The following RASSF8 variants were observed in gnomAD, a reference collection of about 807,000 sequenced individuals.
RASSF8 encodes Ras association domain family member 8.
Under a neutral mutation model 48.5 loss-of-function variants are expected in RASSF8, and 22 were observed. The observed-to-expected ratio is 0.45, with a 90% CI of 0.32 to 0.65. The LOEUF (loss-of-function observed/expected upper bound fraction) is 0.65. Ranked by LOEUF, RASSF8 falls within the 30% of genes least tolerant of loss-of-function variation. RASSF8 has a pLI of 0.03. For missense variants in RASSF8, 418 were observed against 489.2 expected, an observed-to-expected ratio of 0.85 and a Z score of 1.37; for synonymous variants, 127 against 171.5, an observed-to-expected ratio of 0.74 and a Z score of 2.03.
chr12:26,036,361 A>T (rs990797101), intron 2 of RASSF8, among the ~76,000 whole-genome samples: 2 of 152,166 alleles, frequency 1.3e-5, no homozygotes, highest in African/African-American at 4.8e-5. Context: ...CTTGAACTGA[A>T]AAATTCTTAC....
At chr12:26,006,210 C>A (rs1025090989) in intron 2 of RASSF8, among the ~76,000 whole-genome samples, 1 of 152,202 alleles carries the variant, frequency 6.6e-6, no homozygotes, top group African/African-American at 2.4e-5. Flanking sequence ...CCCTTCCCTT[C>A]AGGATGTCCC....
At chr12:26,055,668 A>G (rs1232524580) in intron 3 of RASSF8, among the ~76,000 whole-genome samples, 3 of 152,136 alleles carry the variant, frequency 2.0e-5, no homozygotes, top group Admixed American at 1.3e-4. Context: ...GTTAACATCT[A>G]CACTGCCTTC....
intron 1 of RASSF8, among the ~76,000 whole-genome samples, chr12:25,968,930 A>G (rs1941420473): frequency 6.6e-6 from 1 of 152,230 alleles, no homozygotes. Flanking sequence ...AGCACATTTG[A>G]GTAGAGACCT....
At chr12:25,998,776 G>A (rs543996403) in intron 2 of RASSF8, among the ~76,000 whole-genome samples, 1 of 152,054 alleles carries the variant, frequency 6.6e-6, no homozygotes, top group East Asian at 1.9e-4. Flanking sequence ...GAGTGAGTAT[G>A]TGTGGGCGTG....
chr12:25,996,180 A>G (rs1324997947), intron 2 of RASSF8, among the ~76,000 whole-genome samples: 1 of 152,194 alleles, frequency 6.6e-6, no homozygotes, highest in Admixed American at 6.5e-5. Flanking sequence ...TGATTCTAAT[A>G]AGGCAATTTT....
At chr12:26,065,410 A>G in intron 4 of RASSF8, 23 bp downstream of exon 4, 1 of 1,568,008 alleles carries the variant, frequency 6.4e-7, no homozygotes, top group Middle Eastern at 1.7e-4. Flanking sequence ...TGATAAATAG[A>G]ATGTTTGGCC....
rs151302287 is a variant in RASSF8, at chr12:26,030,237, C to T, written c.-108-24999C>T. On this transcript the variant is annotated intron_variant, in intron 2 of 5. Transcript: ENST00000689635. Reference sequence around the variant, plus strand: ...AGTAGGTTTTTTTCCCCCCATGATCCAAATAATGTTTTATTCAGGAGAAAA... The same window carrying T: ...AGTAGGTTTTTTTCCCCCCATGATCTAAATAATGTTTTATTCAGGAGAAAA... Among the ~76,000 whole-genome samples the T allele has an allele frequency of 1.0e-3, 155 of 152,030 alleles. 1 individual carries two copies. In the East Asian group the frequency reaches 0.024, roughly 23 times the overall value.
chr12:26,073,126 A>T (rs1056424802), downstream of RASSF8, among the ~76,000 whole-genome samples: 41 of 152,336 alleles, frequency 2.7e-4, no homozygotes, highest in Non-Finnish European at 5.0e-4. Context: ...AGATTTCCCT[A>T]AAACCATAAG....
At position 26,071,451 on chromosome 12, in the gene RASSF8, C is replaced by A. The variant is rs1354874460; in HGVS notation, c.*2633C>A. On this transcript the variant is annotated 3_prime_UTR_variant, in exon 6 of 6. Coordinates refer to ENST00000689635, the MANE Select transcript of RASSF8 (RefSeq NM_001394098.1). Reference sequence around the variant, plus strand: ...CAACTTGTTTTATTGTGATTTTCTACAAGTATTAAATACATTTAAAGATCT... The same window carrying A: ...CAACTTGTTTTATTGTGATTTTCTAAAAGTATTAAATACATTTAAAGATCT... 2 of 944,714 alleles carry A rather than the reference C, an allele frequency of 2.1e-6. No homozygotes were observed. The highest frequency in any genetic ancestry group is 1.1e-3 in the Middle Eastern group (2 of 1,844). 58.5% of individuals were successfully genotyped at this position (944,714 alleles called of 1,614,324 possible).
At chr12:26,058,450 A>G (rs1344071974) in intron 3 of RASSF8, among the ~76,000 whole-genome samples, 1 of 152,244 alleles carries the variant, frequency 6.6e-6, no homozygotes, top group African/African-American at 2.4e-5. Flanking sequence ...TCAAGAATGT[A>G]TAGTGAAGCA....
chr12:26,069,300 T>C lies in RASSF8; in HGVS notation c.*482T>C. ...CATGTTGCCAGACTCCATCCATGCATTGCTGATTTACACTACACAAGTGTC... is the reference window on the plus strand; with the variant it reads ...CATGTTGCCAGACTCCATCCATGCACTGCTGATTTACACTACACAAGTGTC... On this transcript the variant is annotated 3_prime_UTR_variant, in exon 6 of 6. Coordinates refer to ENST00000689635, the MANE Select transcript of RASSF8 (RefSeq NM_001394098.1). The C allele has an allele frequency of 1.0e-6, 1 of 985,126 alleles. No homozygotes were observed. Among genetic ancestry groups the C allele is most frequent in the Non-Finnish European group, 1.2e-6 (1 of 829,180 alleles). 61.0% of individuals were successfully genotyped at this position (985,126 alleles called of 1,614,324 possible).
intron 1 of RASSF8, among the ~76,000 whole-genome samples, chr12:25,965,202 A>G (rs1195344906): frequency 6.6e-6 from 1 of 152,102 alleles, no homozygotes; most frequent in African/African-American, 2.4e-5. Context: ...CGGCCTCCCA[A>G]AGTGCTGGGA....
chr12:26,040,581 A>T (rs1943243191), intron 2 of RASSF8, among the ~76,000 whole-genome samples: 1 of 152,302 alleles, frequency 6.6e-6, no homozygotes, highest in Non-Finnish European at 1.5e-5. Context: ...TCAGTTGAAT[A>T]GTTACAGATA....
intron 2 of RASSF8, among the ~76,000 whole-genome samples, chr12:25,996,741 G>A (rs540770061): frequency 2.5e-4 from 38 of 152,110 alleles, no homozygotes; most frequent in African/African-American, 9.2e-4. Context: ...ATTTAAAAAG[G>A]TTTTAAATAA....
chr12:26,012,052 G>A (rs571221423), intron 2 of RASSF8, among the ~76,000 whole-genome samples: 2 of 152,254 alleles, frequency 1.3e-5, no homozygotes, highest in South Asian at 2.1e-4. Flanking sequence ...GGTACAATGT[G>A]TATTGTTTTT....
At chr12:25,979,028 T>C (rs1055351045) in intron 1 of RASSF8, among the ~76,000 whole-genome samples, 3 of 152,194 alleles carry the variant, frequency 2.0e-5, no homozygotes, top group African/African-American at 4.8e-5. Flanking sequence ...TACGGTAGTA[T>C]GTTCACTTCT....
At chr12:26,054,061 C>T (rs1943549928) in intron 2 of RASSF8, among the ~76,000 whole-genome samples, 1 of 152,158 alleles carries the variant, frequency 6.6e-6, no homozygotes, top group Admixed American at 6.6e-5. Flanking sequence ...GCCATTAATT[C>T]TGAAATACCA....
At chr12:26,068,199 C>T (rs751264721) in intron 5 of RASSF8, among the ~76,000 whole-genome samples, 19 of 151,918 alleles carry the variant, frequency 1.3e-4, no homozygotes, top group Non-Finnish European at 2.5e-4. Flanking sequence ...TAGAGGAAAA[C>T]CAGTAACATT....
intron 1 of RASSF8, among the ~76,000 whole-genome samples, chr12:25,966,364 C>G (rs955398380): frequency 6.6e-6 from 1 of 152,102 alleles, no homozygotes; most frequent in South Asian, 2.1e-4. Flanking sequence ...CCACCATGCC[C>G]GGCTGTTTTT....
Sources: gnomAD v4.1 joint callset for allele counts (sites outside exome capture counted in the v4.1 genomes callset) on GRCh38, gnomAD v4.1.1 for gene constraint, MANE v1.5 for transcripts, NCBI Gene and HGNC (gene_info 2026-07-23, HGNC 2026-07-21) for gene names.